IGFBP7: variants seen among roughly 807,000 people sequenced by gnomAD.
IGFBP7 encodes insulin-like growth factor-binding protein 7.
A neutral mutation model predicts 29.4 loss-of-function variants in IGFBP7; 31 were observed. The ratio of observed to expected loss-of-function variants is 1.05; its 90% CI spans 0.79 to 1.42. IGFBP7 has a LOEUF of 1.42. IGFBP7 is among the 40% of genes most tolerant of loss of function. The pLI is 0.00. For synonymous variants in IGFBP7, 172 were observed against 174.9 expected, an observed-to-expected ratio of 0.98 and a Z score of 0.13; for missense variants, 393 against 395.5, an observed-to-expected ratio of 0.99 and a Z score of 0.05.
chr4:57,034,549 C>T (rs918244388), intron 2 of IGFBP7, among the ~76,000 whole-genome samples: 18 of 151,390 alleles, frequency 1.2e-4, no homozygotes, highest in African/African-American at 2.9e-4. Flanking sequence ...ATATAGACAC[C>T]GTATGTATAA....
intron 1 of IGFBP7, among the ~76,000 whole-genome samples, chr4:57,091,698 T>A (rs1053715174): frequency 6.6e-6 from 1 of 152,228 alleles, no homozygotes; most frequent in Non-Finnish European, 1.5e-5. Context: ...TATACATGTA[T>A]TCTCAGCACT....
chr4:57,046,255 C>G (rs1272247448), intron 1 of IGFBP7, among the ~76,000 whole-genome samples: 2 of 152,068 alleles, frequency 1.3e-5, no homozygotes, highest in African/African-American at 4.8e-5. Context: ...CCACACATTC[C>G]ATTGATCAGC....
At position 57,033,320 on chromosome 4, in the gene IGFBP7, A is replaced by G; in HGVS notation, c.586-9T>C. On this transcript the variant is annotated splice_polypyrimidine_tract_variant and intron_variant, in intron 2 of 4. Coordinates refer to ENST00000295666, the MANE Select transcript of IGFBP7 (RefSeq NM_001553.3). ...TAGTGACCCCTTTTTACCTGCAAAAACAAAAGGAGAGTAATACTGAGTTTT... is the reference window on the plus strand; with the variant it reads ...TAGTGACCCCTTTTTACCTGCAAAAGCAAAAGGAGAGTAATACTGAGTTTT... 6.3e-7 allele frequency: 1 copy of G among 1,575,416 alleles called. No homozygotes were observed. Among genetic ancestry groups the G allele is most frequent in the Non-Finnish European group, 8.7e-7 (1 of 1,144,630 alleles).
Position 57,110,135 on chromosome 4 carries a change from C to T in IGFBP7, c.217G>A (p.Gly73Ser). The change falls in exon 1 of 5, where the codon GGT becomes AGT. Residue 73 changes from glycine (G) to serine (S), a missense_variant. Coordinates refer to ENST00000295666, the MANE Select transcript of IGFBP7 (RefSeq NM_001553.3). Reference protein sequence around the residue: ...CARGEGEPCGGGGAGRGYCAP... With the variant: ...CARGEGEPCGSGGAGRGYCAP... ...CAGTACCCCCTGCCGGCGCCGCCAC[C>T]CCCGCACGGCTCGCCCTCGCCGCGG... 1.3e-6 allele frequency: 2 copies of T among 1,494,190 alleles called. No homozygotes were observed. Among genetic ancestry groups the T allele is most frequent in the Non-Finnish European group, 1.8e-6 (2 of 1,129,114 alleles). 92.6% of individuals were successfully genotyped at this position (1,494,190 alleles called of 1,614,324 possible).
chr4:57,078,827 C>G (rs763515306), intron 1 of IGFBP7, among the ~76,000 whole-genome samples: 6 of 140,162 alleles, frequency 4.3e-5, no homozygotes, highest in Non-Finnish European at 9.7e-5. Flanking sequence ...TGGATGGTAA[C>G]TAGGAGATTT....
chr4:57,096,810 C>T (rs775310951), intron 1 of IGFBP7, among the ~76,000 whole-genome samples: 6 of 152,118 alleles, frequency 3.9e-5, no homozygotes, highest in Admixed American at 1.3e-4. Flanking sequence ...CTTTCTGAGT[C>T]GAAATACATC....
At chr4:57,047,143 C>T (rs534764141) in intron 1 of IGFBP7, among the ~76,000 whole-genome samples, 28 of 152,282 alleles carry the variant, frequency 1.8e-4, no homozygotes, top group African/African-American at 6.3e-4. Context: ...TCCCATGTGT[C>T]ATGGGTTGGG....
intron 1 of IGFBP7, among the ~76,000 whole-genome samples, chr4:57,094,343 G>A (rs889430625): frequency 1.4e-4 from 21 of 152,208 alleles, no homozygotes; most frequent in African/African-American, 4.6e-4. Context: ...GAAACTGGGA[G>A]AGAGATGACA....
intron 1 of IGFBP7, among the ~76,000 whole-genome samples, chr4:57,101,054 G>A (rs1356859602): frequency 6.6e-6 from 1 of 152,236 alleles, no homozygotes; most frequent in Non-Finnish European, 1.5e-5. Context: ...GGCATTTACA[G>A]TCTAGTTAAT....
At chr4:57,091,693 A>T (rs1341222157) in intron 1 of IGFBP7, among the ~76,000 whole-genome samples, 2 of 152,210 alleles carry the variant, frequency 1.3e-5, no homozygotes, top group Admixed American at 1.3e-4. Flanking sequence ...CATTTTATAC[A>T]TGTATTCTCA....
intron 1 of IGFBP7, among the ~76,000 whole-genome samples, chr4:57,106,216 A>T (rs1726028837): frequency 6.6e-6 from 1 of 152,114 alleles, no homozygotes; most frequent in South Asian, 2.1e-4. Flanking sequence ...GCCCATTTTT[A>T]AAATTTTTAT....
At position 57,109,220 on chromosome 4, in the gene IGFBP7, G is replaced by C. The variant is rs11573023; in HGVS notation, c.475+657C>G. Reference sequence around the variant, plus strand: ...GGATTACTTGAGCTCAGGAGTTCGAGACCAGCCTAGGCAACATAGTGAAAC... The same window carrying C: ...GGATTACTTGAGCTCAGGAGTTCGACACCAGCCTAGGCAACATAGTGAAAC... On this transcript the variant is annotated intron_variant, in intron 1 of 4. Coordinates refer to ENST00000295666, the MANE Select transcript of IGFBP7 (RefSeq NM_001553.3). 3.8e-3 allele frequency among the ~76,000 whole-genome samples: 575 copies of C among 152,140 alleles called. 3 individuals are homozygous for C. Among genetic ancestry groups the C allele is most frequent in the Non-Finnish European group, 5.9e-3 (402 of 67,990 alleles).
chr4:57,107,384 C>T (rs1387937608), intron 1 of IGFBP7, among the ~76,000 whole-genome samples: 1 of 152,130 alleles, frequency 6.6e-6, no homozygotes, highest in Non-Finnish European at 1.5e-5. Flanking sequence ...AGAAGGGAAC[C>T]TAGAGGTCTA....
chr4:57,109,716 T>G, intron 1 of IGFBP7, 161 bp downstream of exon 1: 1 of 858,794 alleles, frequency 1.2e-6, no homozygotes, highest in Non-Finnish European at 1.7e-6. Context: ...GCTCCTGGCA[T>G]TCCGCGGCTG....
chr4:57,103,300 C>T (rs1450258045), intron 1 of IGFBP7, among the ~76,000 whole-genome samples: 2 of 152,172 alleles, frequency 1.3e-5, no homozygotes, highest in Non-Finnish European at 2.9e-5. Flanking sequence ...CATCACTCAG[C>T]GCTCCCATTG....
At chr4:57,065,930 T>C (rs1724911254) in intron 1 of IGFBP7, among the ~76,000 whole-genome samples, 1 of 152,184 alleles carries the variant, frequency 6.6e-6, no homozygotes, top group Non-Finnish European at 1.5e-5. Flanking sequence ...CAGGGTTGTC[T>C]GGCCAGGTGT....
intron 1 of IGFBP7, among the ~76,000 whole-genome samples, chr4:57,101,097 C>T (rs931023202): frequency 2.0e-5 from 3 of 152,186 alleles, no homozygotes; most frequent in African/African-American, 2.4e-5. Context: ...CAGCATAGTC[C>T]GCATAGTTTA....
chr4:57,078,367 C>G (rs1725280742), intron 1 of IGFBP7, among the ~76,000 whole-genome samples: 1 of 152,140 alleles, frequency 6.6e-6, no homozygotes. Flanking sequence ...AACCACTATT[C>G]CATATTACCT....
intron 3 of IGFBP7, 83 bp downstream of exon 3, chr4:57,033,112 G>T: frequency 1.1e-6 from 1 of 926,992 alleles, no homozygotes; most frequent in Non-Finnish European, 1.8e-6. Flanking sequence ...TTAGGCTGGC[G>T]GTACATCAGG....
Sources: gnomAD v4.1 joint callset for allele counts (sites outside exome capture counted in the v4.1 genomes callset) on GRCh38, gnomAD v4.1.1 for gene constraint, MANE v1.5 for transcripts, NCBI Gene and HGNC (gene_info 2026-07-23, HGNC 2026-07-21) for gene names.